The following PCDH9 variants were observed in gnomAD, a reference collection of about 807,000 sequenced individuals.
PCDH9 encodes the protein protocadherin 9.
Under a neutral mutation model 70.6 loss-of-function variants are expected in PCDH9, and 24 were observed. The ratio of observed to expected loss-of-function variants is 0.34; its 90% CI spans 0.25 to 0.48. The LOEUF is 0.48. PCDH9 is among the 20% of genes least tolerant of loss of function. The pLI, the probability that PCDH9 is intolerant of heterozygous loss-of-function variation, is 0.99. For synonymous variants in PCDH9, 562 were observed against 558.5 expected (o/e 1.01, Z -0.09); for missense variants, 1,281 against 1,503.6 (o/e 0.85, Z 2.45).
At chr13:66,678,569 T>C (rs1019101427) in intron 3 of PCDH9, among the ~76,000 whole-genome samples, 1 of 151,926 alleles carries the variant, frequency 6.6e-6, no homozygotes, top group Non-Finnish European at 1.5e-5. Context: ...AGTGACTGAG[T>C]AACTAAATAA....
chr13:66,313,995 A>G (rs1027681344), intron 4 of PCDH9, among the ~76,000 whole-genome samples: 7 of 152,198 alleles, frequency 4.6e-5, no homozygotes, highest in African/African-American at 1.7e-4. Context: ...GTGTATTTAC[A>G]CCTGGACTGT....
intron 3 of PCDH9, among the ~76,000 whole-genome samples, chr13:66,843,359 C>T (rs1169318009): frequency 1.3e-5 from 2 of 149,384 alleles, no homozygotes; most frequent in Non-Finnish European, 3.0e-5. Flanking sequence ...CATACATACA[C>T]ACACACACAC....
intron 4 of PCDH9, among the ~76,000 whole-genome samples, chr13:66,496,224 G>T (rs1959114605): frequency 6.6e-6 from 1 of 152,016 alleles, no homozygotes; most frequent in South Asian, 2.1e-4. Context: ...ATTAACATTT[G>T]TCCAGTAAAC....
intron 4 of PCDH9, among the ~76,000 whole-genome samples, chr13:66,477,542 G>A (rs1232872642): frequency 6.6e-6 from 1 of 152,060 alleles, no homozygotes; most frequent in African/African-American, 2.4e-5. Context: ...AGACTTACTG[G>A]CTGTATGGTA....
chr13:66,531,033 C>T (rs1402989486), intron 4 of PCDH9, among the ~76,000 whole-genome samples: 3 of 151,854 alleles, frequency 2.0e-5, no homozygotes, highest in East Asian at 1.9e-4. Context: ...CATGACAATG[C>T]TGCAGTGCCT....
chr13:67,094,785 A>G (rs1452546267), intron 2 of PCDH9, among the ~76,000 whole-genome samples: 1 of 152,034 alleles, frequency 6.6e-6, no homozygotes, highest in Non-Finnish European at 1.5e-5. Flanking sequence ...AAATCTTGTG[A>G]ATTTTCTGAA....
intron 2 of PCDH9, among the ~76,000 whole-genome samples, chr13:67,070,168 C>T (rs939402866): frequency 2.0e-5 from 3 of 151,330 alleles, no homozygotes; most frequent in Non-Finnish European, 4.4e-5. Flanking sequence ...GCCTACATAT[C>T]GTTACCTTGT....
intron 4 of PCDH9, among the ~76,000 whole-genome samples, chr13:66,351,436 T>TA (rs1956289883): frequency 6.6e-6 from 1 of 152,170 alleles, no homozygotes; most frequent in South Asian, 2.1e-4. Flanking sequence ...ATATTTCGAG[T>TA]AAGTAATGGG....
chr13:66,765,382 T>G (rs574236815), intron 3 of PCDH9, among the ~76,000 whole-genome samples: 1 of 152,136 alleles, frequency 6.6e-6, no homozygotes, highest in Admixed American at 6.6e-5. Flanking sequence ...GATAAACACA[T>G]GCTAATGTCT....
At chr13:67,207,453 T>C (rs2089378475) in intron 2 of PCDH9, 1 of 152,094 alleles carries the variant, frequency 6.6e-6, no homozygotes, top group Non-Finnish European at 1.5e-5. Context: ...CCTCAGAAAG[T>C]AGTTGGTTCT....
intron 4 of PCDH9, among the ~76,000 whole-genome samples, chr13:66,366,551 A>G (rs555110814): frequency 6.6e-6 from 1 of 151,926 alleles, no homozygotes; most frequent in Non-Finnish European, 1.5e-5. Flanking sequence ...GAACTATGAG[A>G]CTTTTTAATA....
At chr13:66,684,933 T>C (rs1308060604) in intron 3 of PCDH9, among the ~76,000 whole-genome samples, 2 of 151,938 alleles carry the variant, frequency 1.3e-5, no homozygotes, top group African/African-American at 2.4e-5. Context: ...AATAATGATA[T>C]AGACAATGAA....
chr13:66,415,904 CT>C (rs1261922607), intron 4 of PCDH9, among the ~76,000 whole-genome samples: 1 of 152,076 alleles, frequency 6.6e-6, no homozygotes, highest in Non-Finnish European at 1.5e-5. Flanking sequence ...TAATACTTCC[CT>C]TTTTAAAAAT....
rs74093528 is a variant in PCDH9, at chr13:67,025,590, T to C, written c.3037-121985A>G. On this transcript the variant is annotated intron_variant, in intron 2 of 4. Coordinates refer to ENST00000377865, the MANE Select transcript of PCDH9 (RefSeq NM_203487.3). ...TAATGATTTACACAACTTGCATTTG[T>C]TGAATATCCACTGTGTGCTAAGTTA... Among the ~76,000 whole-genome samples, 772 of 152,244 alleles carry C rather than the reference T, an allele frequency of 5.1e-3. 2 individuals carry two copies. Among genetic ancestry groups the C allele is most frequent in the African/African-American group, 0.017 (717 of 41,556 alleles).
In PCDH9 at chr13:67,227,459, C is replaced by T. The variant is rs755342927; in HGVS notation, c.982G>A (p.Val328Met). 5.0e-6 allele frequency: 8 copies of T among 1,613,930 alleles called. No individual in the cohort carries two copies. The highest frequency in any genetic ancestry group is 6.8e-6 in the Non-Finnish European group (8 of 1,179,870). Residue 328 changes from valine to methionine, a missense_variant, in exon 2 of 5, where the codon GTG (valine) becomes ATG (methionine). Val to Met is a conservative substitution (Grantham distance 21). Coordinates refer to ENST00000377865, the MANE Select transcript of PCDH9 (RefSeq NM_203487.3). This position sits in a 1 kb window ranked among gnomAD's most constrained non-coding sequence, Gnocchi z 4.6. ...LDREETAIHK[V>M]TVLASDGSST... ...CTGCCGTCACTAGCCAGCACTGTCACTTTGTGAATGGCTGTCTCCTCTCTA... is the reference window on the plus strand; with the variant it reads ...CTGCCGTCACTAGCCAGCACTGTCATTTTGTGAATGGCTGTCTCCTCTCTA...
intron 3 of PCDH9, among the ~76,000 whole-genome samples, chr13:66,849,517 T>TATATAGAGAGAGAGAGAG (rs1272589939): frequency 9.4e-5 from 6 of 63,576 alleles, no homozygotes; most frequent in East Asian, 5.4e-4. Context: ...TATATATATA[T>TATATAGAGAGAGAGAGAG]AGAGAGAGAG....
intron 4 of PCDH9, among the ~76,000 whole-genome samples, chr13:66,460,993 T>C (rs1216059084): frequency 6.6e-6 from 1 of 151,930 alleles, no homozygotes; most frequent in East Asian, 1.9e-4. Context: ...TTTTCATATC[T>C]GTTCCAACAG....
intron 4 of PCDH9, among the ~76,000 whole-genome samples, chr13:66,439,017 G>A (rs183114775): frequency 1.4e-4 from 22 of 152,274 alleles, no homozygotes; most frequent in Non-Finnish European, 2.8e-4. Flanking sequence ...AAGTAGGTCT[G>A]ATGGAATTCC....
chr13:66,533,218 T>C (rs1252083462), intron 4 of PCDH9, among the ~76,000 whole-genome samples: 1 of 152,120 alleles, frequency 6.6e-6, no homozygotes, highest in Non-Finnish European at 1.5e-5. Context: ...AGACTCTTAA[T>C]ATATTCCTTT....
Sources: gnomAD v4.1 joint callset for allele counts (sites outside exome capture counted in the v4.1 genomes callset) on GRCh38, gnomAD v4.1.1 for gene constraint, Gnocchi (gnomAD v3.1) non-coding constraint, MANE v1.5 for transcripts, NCBI Gene and HGNC (gene_info 2026-07-23, HGNC 2026-07-21) for gene names.